The following PTPRK variants were observed in gnomAD, a reference collection of about 807,000 sequenced individuals.
The protein encoded by PTPRK is protein tyrosine phosphatase receptor type K, also known as receptor-type tyrosine-protein phosphatase kappa.
In PTPRK, 75 loss-of-function variants were observed where a neutral mutation model predicts 178.0. The observed-to-expected ratio is 0.42, with a 90% CI of 0.35 to 0.51. PTPRK has a LOEUF of 0.51. Among genes scored for constraint, PTPRK ranks in the 20% least tolerant of loss-of-function variants. The pLI is 0.02. For synonymous variants in PTPRK, 637 were observed against 620.6 expected, an observed-to-expected ratio of 1.03 and a Z score of -0.39; for missense variants, 1,441 against 1,797.8, an observed-to-expected ratio of 0.80 and a Z score of 3.59.
At chr6:128,027,601 T>C (rs1204280134) in intron 13 of PTPRK, among the ~76,000 whole-genome samples, 1 of 149,788 alleles carries the variant, frequency 6.7e-6, no homozygotes, top group African/African-American at 2.5e-5. Context: ...TTGTTGTATG[T>C]TTTTTTTTTC....
At chr6:128,410,845 A>T (rs1299131083) in intron 1 of PTPRK, among the ~76,000 whole-genome samples, 9 of 152,186 alleles carry the variant, frequency 5.9e-5, no homozygotes, top group Non-Finnish European at 1.5e-5. Context: ...AACTTGGCTG[A>T]GGCTGGGCCT....
intron 3 of PTPRK, among the ~76,000 whole-genome samples, chr6:128,286,268 A>G (rs369294260): frequency 7.9e-5 from 12 of 152,124 alleles, no homozygotes; most frequent in Admixed American, 7.9e-4. Context: ...GTGCGTTTAT[A>G]GTTTTCATCA....
At position 128,519,452 on chromosome 6, in the gene PTPRK, C is replaced by T. The variant is rs1858645767; in HGVS notation, c.100+807G>A. 1.3e-5 allele frequency among the ~76,000 whole-genome samples: 2 copies of T among 151,902 alleles called. No homozygotes were observed. Among genetic ancestry groups the T allele is most frequent in the South Asian group, 4.2e-4 (2 of 4,816 alleles). The stretch of plus-strand genomic sequence containing the variant: ...TTACAGTCCGCTTCCAGCCCCAGGC[C>T]GGATCCGGGGAGCGCGGGGCCAGAG... On this transcript the variant is annotated intron_variant, in intron 1 of 29. Coordinates refer to ENST00000368226, the MANE Select transcript of PTPRK (RefSeq NM_002844.4). The surrounding 1 kb of genome is among the most constrained non-coding windows in gnomAD (Gnocchi z 4.3).
intron 1 of PTPRK, among the ~76,000 whole-genome samples, chr6:128,503,842 TTGTGTG>T (rs57723685): frequency 0.067 from 9,414 of 139,916 alleles, 505 homozygotes; most frequent in African/African-American, 0.16. Context: ...CTGGTTATTA[TTGTGTG>T]TGTGTGTGTG....
chr6:128,447,076 G>C (rs745815483), intron 1 of PTPRK, among the ~76,000 whole-genome samples: 1 of 152,142 alleles, frequency 6.6e-6, no homozygotes, highest in Admixed American at 6.5e-5. Flanking sequence ...TGGTGAGGGG[G>C]TACGAAAATG....
intron 1 of PTPRK, among the ~76,000 whole-genome samples, chr6:128,446,070 T>G (rs1401883594): frequency 6.6e-6 from 1 of 152,192 alleles, no homozygotes; most frequent in Non-Finnish European, 1.5e-5. Flanking sequence ...TCTACCATTC[T>G]CTAAGTAACG....
intron 1 of PTPRK, among the ~76,000 whole-genome samples, chr6:128,464,648 T>TATATACAC (rs1554271892): frequency 2.1e-5 from 2 of 93,976 alleles, no homozygotes; most frequent in African/African-American, 1.0e-4. Context: ...CATATATATA[T>TATATACAC]ATATATATAT....
chr6:128,100,456 A>G (rs974441967), intron 7 of PTPRK, among the ~76,000 whole-genome samples: 1 of 151,968 alleles, frequency 6.6e-6, no homozygotes, highest in Non-Finnish European at 1.5e-5. Flanking sequence ...GCTGCTATAT[A>G]TTTTATGTCC....
At chr6:128,231,991 C>A (rs1258987603) in intron 5 of PTPRK, 1 of 152,206 alleles carries the variant, frequency 6.6e-6, no homozygotes, top group African/African-American at 2.4e-5. Flanking sequence ...CGGAATCAGG[C>A]CCTCATTCCC....
intron 7 of PTPRK, among the ~76,000 whole-genome samples, chr6:128,154,277 A>T (rs1014339592): frequency 6.6e-6 from 1 of 151,782 alleles, no homozygotes; most frequent in Non-Finnish European, 1.5e-5. Flanking sequence ...AGGCATAACA[A>T]ATATGAATCT....
At chr6:128,407,111 T>A (rs1841744379) in intron 1 of PTPRK, among the ~76,000 whole-genome samples, 1 of 152,230 alleles carries the variant, frequency 6.6e-6, no homozygotes, top group South Asian at 2.1e-4. Flanking sequence ...TTCTCCACAA[T>A]ATCCTATGAT....
chr6:128,464,652 T>C (rs183291801), intron 1 of PTPRK, among the ~76,000 whole-genome samples: 20 of 91,424 alleles, frequency 2.2e-4, no homozygotes, highest in African/African-American at 7.6e-4. Flanking sequence ...TATATATATA[T>C]ATATATATAT....
chr6:128,279,095 C>T (rs1821264562), intron 3 of PTPRK, among the ~76,000 whole-genome samples: 1 of 151,896 alleles, frequency 6.6e-6, no homozygotes, highest in South Asian at 2.1e-4. Flanking sequence ...TGAGATACAG[C>T]CTAAGCACTT....
rs3841289 is a variant in PTPRK, at chr6:128,089,436, GT to G, written c.1465+253del. Among the ~76,000 whole-genome samples, 254 of 152,282 alleles carry G rather than the reference GT, an allele frequency of 1.7e-3. 5 individuals are homozygous for G. The East Asian group carries it at 0.037, about 22-fold the overall frequency. The stretch of plus-strand genomic sequence containing the variant: ...TGATTTAAAAAACCCCTTCATTTAA[GT>G]TTTTAGTGTAGTTGCCACTTCTGTG... On this transcript the variant is annotated intron_variant, in intron 8 of 29. Coordinates refer to ENST00000368226, the MANE Select transcript of PTPRK (RefSeq NM_002844.4).
intron 13 of PTPRK, among the ~76,000 whole-genome samples, chr6:128,057,453 T>C (rs1780092032): frequency 6.6e-6 from 1 of 152,200 alleles, no homozygotes; most frequent in African/African-American, 2.4e-5. Flanking sequence ...AGTTTCCTTC[T>C]GGGAGAAGGG....
intron 3 of PTPRK, among the ~76,000 whole-genome samples, chr6:128,284,536 T>C (rs1352382755): frequency 3.4e-4 from 52 of 152,234 alleles, no homozygotes; most frequent in Admixed American, 3.4e-3. Context: ...AAGTGTCCAA[T>C]GCAAGAATGA....
At chr6:128,342,412 C>T (rs1197154509) in intron 2 of PTPRK, among the ~76,000 whole-genome samples, 1 of 152,138 alleles carries the variant, frequency 6.6e-6, no homozygotes, top group Non-Finnish European at 1.5e-5. Context: ...CCTACTCTAC[C>T]TCACCAAAGC....
chr6:128,078,171 A>C (rs1329297739), intron 11 of PTPRK, among the ~76,000 whole-genome samples: 3 of 151,980 alleles, frequency 2.0e-5, no homozygotes, highest in East Asian at 3.9e-4. Context: ...GAAAAAGGCC[A>C]ATGCTCTTAA....
chr6:128,508,256 C>T (rs1856649955), intron 1 of PTPRK, among the ~76,000 whole-genome samples: 2 of 152,144 alleles, frequency 1.3e-5, no homozygotes, highest in African/African-American at 4.8e-5. Context: ...GGACAAGTCA[C>T]TGCTGGCTTA....
Sources: allele counts gnomAD v4.1 joint callset (sites outside exome capture counted in the v4.1 genomes callset), GRCh38; gene constraint gnomAD v4.1.1; non-coding constraint Gnocchi (gnomAD v3.1); transcripts MANE v1.5; gene names NCBI Gene and HGNC (gene_info 2026-07-23, HGNC 2026-07-21).